AKR1B15: variants seen among roughly 807,000 people sequenced by gnomAD.
AKR1B15 encodes aldo-keto reductase family 1 member B15, also known as estradiol 17-beta-dehydrogenase AKR1B15.
Under a neutral mutation model 38.5 loss-of-function variants are expected in AKR1B15, and 49 were observed. The observed-to-expected ratio is 1.27, with a 90% CI of 1.01 to 1.62. The LOEUF (loss-of-function observed/expected upper bound fraction) is 1.62. AKR1B15 is among the 40% of genes most tolerant of loss of function. The probability of loss-of-function intolerance (pLI) is 0.00; values close to 1 mark genes in which losing one functional copy is unlikely to be tolerated. For synonymous variants in AKR1B15, 137 were observed against 135.5 expected (o/e 1.01, Z -0.08); for missense variants, 411 against 381.6 (o/e 1.08, Z -0.64).
intron 3 of AKR1B15, among the ~76,000 whole-genome samples, chr7:134,567,301 A>G (rs1231017550): frequency 6.6e-6 from 1 of 151,998 alleles, no homozygotes; most frequent in Non-Finnish European, 1.5e-5. Context: ...TGATAATTGT[A>G]TTTCCTTTTT....
intron 2 of AKR1B15, among the ~76,000 whole-genome samples, chr7:134,563,413 T>C (rs1000158376): frequency 2.6e-5 from 4 of 152,124 alleles, no homozygotes; most frequent in African/African-American, 9.7e-5. Context: ...ATGGGAGTGA[T>C]GGTGGGTGCC....
chr7:134,574,344 C>T (rs1400222867), intron 6 of AKR1B15, among the ~76,000 whole-genome samples: 2 of 151,894 alleles, frequency 1.3e-5, no homozygotes, highest in East Asian at 1.9e-4. Flanking sequence ...ATGTTTTTCC[C>T]CTCTTTTCTC....
At chr7:134,554,491 A>G (rs770080995) in intron 1 of AKR1B15, among the ~76,000 whole-genome samples, 1 of 152,102 alleles carries the variant, frequency 6.6e-6, no homozygotes, top group Non-Finnish European at 1.5e-5. Context: ...GAGGAGTAAA[A>G]CTGGCCCAGC....
At chr7:134,574,630 A>G (rs1794725113) in intron 6 of AKR1B15, among the ~76,000 whole-genome samples, 1 of 152,202 alleles carries the variant, frequency 6.6e-6, no homozygotes, top group South Asian at 2.1e-4. Context: ...TCTGGGCAGG[A>G]TCTAGAACAT....
At chr7:134,574,602 T>A (rs890282251) in intron 6 of AKR1B15, among the ~76,000 whole-genome samples, 11 of 152,206 alleles carry the variant, frequency 7.2e-5, no homozygotes, top group African/African-American at 2.7e-4. Flanking sequence ...CATTGTATAC[T>A]TTTACATCTT....
At chr7:134,568,357 ACTT>A in intron 4 of AKR1B15, 32 bp downstream of exon 4, 1 of 1,610,592 alleles carries the variant, frequency 6.2e-7, no homozygotes, top group East Asian at 2.2e-5. Flanking sequence ...GGAGGCCTTC[ACTT>A]CAAGGCAGGC....
At chr7:134,577,403 T>A (rs1169000296) in intron 10 of AKR1B15, among the ~76,000 whole-genome samples, 7 of 152,150 alleles carry the variant, frequency 4.6e-5, no homozygotes, top group Non-Finnish European at 2.9e-5. Context: ...GTGTGAACTG[T>A]CCTTGGAGAA....
At chr7:134,564,923 A>G (rs892326801) in intron 3 of AKR1B15, 154 bp downstream of exon 3, 7 of 488,444 alleles carry the variant, frequency 1.4e-5, no homozygotes, top group African/African-American at 5.9e-5. Context: ...AAATGCACCA[A>G]TCAGTGCTCT....
chr7:134,572,405 G>A (rs1444286188), intron 6 of AKR1B15, among the ~76,000 whole-genome samples: 1 of 152,088 alleles, frequency 6.6e-6, no homozygotes, highest in African/African-American at 2.4e-5. Flanking sequence ...GAGGTGGAAG[G>A]ATCATGAGGT....
At chr7:134,576,889 G>A (rs1794777377) in intron 9 of AKR1B15, 74 bp from the exon 10 acceptor site, 1 of 1,389,838 alleles carries the variant, frequency 7.2e-7, no homozygotes, top group African/African-American at 1.4e-5. Flanking sequence ...CTGCAGAGAT[G>A]TTTTATTCTT....
At chr7:134,579,479 T>TTG (rs753135847) in intron 11 of AKR1B15, 28 bp from the exon 12 acceptor site, 373 of 1,525,598 alleles carry the variant, frequency 2.4e-4, no homozygotes, top group Middle Eastern at 3.4e-4. Flanking sequence ...GGAACACAGT[T>TTG]TCTTTTTTTT....
chr7:134,579,197 C>T (rs1794827204), intron 11 of AKR1B15, among the ~76,000 whole-genome samples: 2 of 152,160 alleles, frequency 1.3e-5, no homozygotes, highest in Non-Finnish European at 2.9e-5. Flanking sequence ...GCTGTTGTTT[C>T]CTACCTCATG....
At chr7:134,551,464 T>C (rs1793975014) in intron 1 of AKR1B15, among the ~76,000 whole-genome samples, 1 of 152,124 alleles carries the variant, frequency 6.6e-6, no homozygotes, top group African/African-American at 2.4e-5. Context: ...CTGGGATGAG[T>C]GTCAGCAACT....
intron 1 of AKR1B15, among the ~76,000 whole-genome samples, chr7:134,553,630 T>C (rs1301017023): frequency 6.6e-6 from 1 of 152,192 alleles, no homozygotes; most frequent in Admixed American, 6.5e-5. Flanking sequence ...GGCAAATGGA[T>C]GTCGAATGCT....
At position 134,568,181 on chromosome 7, in the gene AKR1B15, A is replaced by C. The variant is rs1025120754; in HGVS notation, c.174A>C (p.Glu58Asp). 1 of 1,614,118 alleles carries C rather than the reference A, an allele frequency of 6.2e-7. No homozygotes were observed. The highest frequency in any genetic ancestry group is 1.1e-5 in the South Asian group (1 of 91,074). ...YPASLLGKVKEAVKVAIDAEY... is the reference protein window; with the variant it reads ...YPASLLGKVKDAVKVAIDAEY... ...AGTCTCTTCTCGGCAAAGTGAAAGAAGCGGTGAAGGTGGCCATTGATGCAG... is the reference window on the plus strand; with the variant it reads ...AGTCTCTTCTCGGCAAAGTGAAAGACGCGGTGAAGGTGGCCATTGATGCAG... Residue 58 changes from glutamate to aspartate, a missense_variant, in exon 4 of 12, where the codon GAA (glutamate) becomes GAC (aspartate). Glu to Asp is a conservative substitution (Grantham distance 45). Transcript: ENST00000457545.
chr7:134,577,197 G>C (rs867187133), intron 10 of AKR1B15, among the ~76,000 whole-genome samples, 151 bp downstream of exon 10: 36 of 152,098 alleles, frequency 2.4e-4, no homozygotes, highest in Non-Finnish European at 4.4e-4. Context: ...AGCTAGGCTC[G>C]GTAGAGCTGA....
intron 10 of AKR1B15, 106 bp downstream of exon 10, chr7:134,577,152 C>CAT: frequency 8.7e-7 from 1 of 1,153,574 alleles, no homozygotes; most frequent in Non-Finnish European, 1.3e-6. Flanking sequence ...TTGGCCCCCT[C>CAT]CTTCCCCACC....
At chr7:134,559,297 T>C (rs1337200488) in intron 2 of AKR1B15, among the ~76,000 whole-genome samples, 1 of 152,150 alleles carries the variant, frequency 6.6e-6, no homozygotes, top group Non-Finnish European at 1.5e-5. Context: ...TGTATAAGTA[T>C]GGAGTGTTAA....
At chr7:134,570,488 A>T (rs1749031643) in intron 5 of AKR1B15, 1 of 152,174 alleles carries the variant, frequency 6.6e-6, no homozygotes, top group South Asian at 2.1e-4. Flanking sequence ...TGAGGGCATC[A>T]TGGAACCTGC....
Sources: allele counts gnomAD v4.1 joint callset (sites outside exome capture counted in the v4.1 genomes callset), GRCh38; gene constraint gnomAD v4.1.1; transcripts MANE v1.5; gene names NCBI Gene and HGNC (gene_info 2026-07-23, HGNC 2026-07-21).